TMEM74: variants seen among roughly 807,000 people sequenced by gnomAD.
TMEM74 encodes the protein transmembrane protein 74.
A neutral mutation model predicts 18.1 loss-of-function variants in TMEM74; 13 were observed. The observed-to-expected ratio is 0.72, with a 90% CI of 0.47 to 1.14. The LOEUF is 1.14. TMEM74 is among the 50% of genes most tolerant of loss of function. TMEM74 has a pLI of 0.00. For synonymous variants in TMEM74, 159 were observed against 146.6 expected (o/e 1.08, Z -0.61); for missense variants, 372 against 375.9 (o/e 0.99, Z 0.09).
intron 1 of TMEM74, among the ~76,000 whole-genome samples, chr8:108,770,316 GTTC>G (rs1205474419): frequency 2.6e-5 from 4 of 152,152 alleles, no homozygotes; most frequent in Non-Finnish European, 4.4e-5. Flanking sequence ...ATACTAAATT[GTTC>G]TTCTACTGCA....
intron 1 of TMEM74, 136 bp downstream of exon 1, chr8:108,787,340 C>T (rs1315796143): frequency 6.6e-6 from 1 of 152,278 alleles, no homozygotes; most frequent in Non-Finnish European, 1.5e-5. Context: ...CTGAGGCATT[C>T]GAGGTACGGA....
intron 2 of TMEM74, among the ~76,000 whole-genome samples, chr8:108,631,028 C>A (rs1812547386): frequency 6.6e-6 from 1 of 151,984 alleles, no homozygotes; most frequent in Non-Finnish European, 1.5e-5. Context: ...AAATTCACTT[C>A]ATGTGCACAT....
chr8:108,650,867 C>T (rs1341879042), intron 2 of TMEM74, among the ~76,000 whole-genome samples: 3 of 152,058 alleles, frequency 2.0e-5, no homozygotes, highest in African/African-American at 7.2e-5. Context: ...CCTGCCACCA[C>T]ACCCAGCTAA....
chr8:108,772,444 T>A (rs906610432), intron 1 of TMEM74, among the ~76,000 whole-genome samples: 4 of 152,268 alleles, frequency 2.6e-5, no homozygotes, highest in Middle Eastern at 3.4e-3. Context: ...CTTATTCTCC[T>A]AGAGTTTTAA....
chr8:108,771,378 T>C (rs887584824), intron 1 of TMEM74, among the ~76,000 whole-genome samples: 39 of 152,106 alleles, frequency 2.6e-4, no homozygotes, highest in African/African-American at 8.0e-4. Flanking sequence ...GTTACATAAA[T>C]GTTTGCTAAA....
At chr8:108,751,726 C>A (rs1054960187) in intron 1 of TMEM74, among the ~76,000 whole-genome samples, 6 of 151,882 alleles carry the variant, frequency 4.0e-5, no homozygotes, top group Non-Finnish European at 8.8e-5. Flanking sequence ...TTAACAATGA[C>A]AAAAAATCCA....
At chr8:108,732,904 T>A (rs573813668) in intron 1 of TMEM74, among the ~76,000 whole-genome samples, 21 of 151,912 alleles carry the variant, frequency 1.4e-4, no homozygotes, top group Non-Finnish European at 2.4e-4. Context: ...TCACAAAATA[T>A]GATATATGAA....
chr8:108,691,206 A>T (rs1813227277), intron 1 of TMEM74, among the ~76,000 whole-genome samples: 2 of 152,154 alleles, frequency 1.3e-5, no homozygotes, highest in Non-Finnish European at 2.9e-5. Flanking sequence ...GTGGTGCTCC[A>T]AAGAGAAAGG....
intron 1 of TMEM74, among the ~76,000 whole-genome samples, chr8:108,703,962 G>T (rs1466748250): frequency 1.3e-5 from 2 of 152,092 alleles, no homozygotes; most frequent in East Asian, 1.9e-4. Context: ...ACTTTTCCTT[G>T]GTTCCCCTAC....
At chr8:108,636,236 T>A (rs1219377325) in intron 2 of TMEM74, among the ~76,000 whole-genome samples, 1 of 151,972 alleles carries the variant, frequency 6.6e-6, no homozygotes, top group South Asian at 2.1e-4. Context: ...CCCATCAGTA[T>A]AAGGAATTAG....
chr8:108,635,305 G>C (rs1420019498), intron 2 of TMEM74, among the ~76,000 whole-genome samples: 1 of 151,640 alleles, frequency 6.6e-6, no homozygotes, highest in Non-Finnish European at 1.5e-5. Flanking sequence ...GTTCTCCCAG[G>C]CTTTCCACCA....
intron 1 of TMEM74, among the ~76,000 whole-genome samples, chr8:108,682,920 G>C (rs961990310): frequency 1.4e-4 from 21 of 151,970 alleles, no homozygotes; most frequent in Admixed American, 5.9e-4. Flanking sequence ...TGAGAAGTTA[G>C]CCTTTGTTTT....
Position 108,782,437 on chromosome 8 carries a change from CT to C in TMEM74, c.*1743del, listed in dbSNP as rs1180840609. On this transcript the variant is annotated 3_prime_UTR_variant, in exon 2 of 2. Coordinates refer to ENST00000297459, the MANE Select transcript of TMEM74 (RefSeq NM_153015.3). ...ATGGCCATATAATTTCTCATTTTTA[CT>C]TAATAATTCTTTCATATGCCCATCC... is the stretch of plus-strand genomic sequence containing the variant. Among the ~76,000 whole-genome samples the C allele has an allele frequency of 6.6e-6, 1 of 152,154 alleles. No homozygotes were observed. Among genetic ancestry groups the C allele is most frequent in the Non-Finnish European group, 1.5e-5 (1 of 68,028 alleles).
At chr8:108,715,899 A>G (rs1285242095) in intron 1 of TMEM74, among the ~76,000 whole-genome samples, 1 of 152,106 alleles carries the variant, frequency 6.6e-6, no homozygotes, top group Non-Finnish European at 1.5e-5. Context: ...ATAGCAGACA[A>G]TATAGAATTT....
intron 2 of TMEM74, among the ~76,000 whole-genome samples, chr8:108,644,844 A>G (rs1309844558): frequency 6.6e-6 from 1 of 152,158 alleles, no homozygotes; most frequent in African/African-American, 2.4e-5. Context: ...TAAATAGTCA[A>G]AAAATAATAG....
At position 108,667,709 on chromosome 8, in the gene TMEM74, T is replaced by C. The variant is rs1466374076; in HGVS notation, n.120-12272A>G. The stretch of plus-strand genomic sequence containing the variant: ...TCTCATTCATCATTTCTCCTTTGTC[T>C]GCATAGTTTATAAAAGTAGAATTCC... On this transcript the variant is annotated intron_variant and non_coding_transcript_variant, in intron 1 of 3. Transcript: ENST00000518838. Among the ~76,000 whole-genome samples, 3 of 152,180 alleles carry C rather than the reference T, an allele frequency of 2.0e-5. No homozygotes were observed. In the South Asian group the frequency reaches 6.2e-4, roughly 32 times the overall value.
intron 2 of TMEM74, among the ~76,000 whole-genome samples, chr8:108,623,501 G>T (rs1284336490): frequency 6.6e-6 from 1 of 152,024 alleles, no homozygotes; most frequent in East Asian, 1.9e-4. Context: ...TGTTGGCTGT[G>T]AATAGCCTTT....
intron 2 of TMEM74, among the ~76,000 whole-genome samples, chr8:108,649,366 T>A (rs1812750500): frequency 6.6e-6 from 1 of 152,036 alleles, no homozygotes; most frequent in Admixed American, 6.6e-5. Context: ...TGAAAAGAGA[T>A]GAGGGAAAAC....
intron 1 of TMEM74, among the ~76,000 whole-genome samples, chr8:108,769,638 G>A (rs958791219): frequency 2.0e-5 from 3 of 152,016 alleles, no homozygotes; most frequent in African/African-American, 4.8e-5. Context: ...TAAAGGGACC[G>A]TGTACTTTGG....
Sources: gnomAD v4.1 joint callset for allele counts (sites outside exome capture counted in the v4.1 genomes callset) on GRCh38, gnomAD v4.1.1 for gene constraint, MANE v1.5 for transcripts, NCBI Gene and HGNC (gene_info 2026-07-23, HGNC 2026-07-21) for gene names.